DNAH5: variants seen among roughly 807,000 people sequenced by gnomAD.
The protein encoded by DNAH5 is dynein axonemal heavy chain 5, also known as axonemal beta dynein heavy chain 5.
A neutral mutation model predicts 518.2 loss-of-function variants in DNAH5; 372 were observed. The ratio of observed to expected loss-of-function variants is 0.72; its 90% CI spans 0.66 to 0.78. The LOEUF (loss-of-function observed/expected upper bound fraction) is 0.78, where lower values mean the gene tolerates loss of function less well. DNAH5 is among the 30% of genes least tolerant of loss of function. DNAH5 has a pLI of 0.00. For missense variants in DNAH5, 5,523 were observed against 5,687.0 expected (o/e 0.97, Z 0.93); for synonymous variants, 2,039 against 2,025.9 (o/e 1.01, Z -0.17).
intron 40 of DNAH5, among the ~76,000 whole-genome samples, chr5:13,822,549 C>G (rs776945556): frequency 6.6e-6 from 1 of 152,146 alleles, no homozygotes; most frequent in Non-Finnish European, 1.5e-5. Flanking sequence ...CCACACCTGG[C>G]CACATTTGAT....
chr5:13,916,799 A>G (rs1243311380), intron 8 of DNAH5, among the ~76,000 whole-genome samples: 1 of 152,056 alleles, frequency 6.6e-6, no homozygotes, highest in East Asian at 1.9e-4. Flanking sequence ...AAAAAAAAAC[A>G]TCACTAGCTA....
At chr5:14,001,609 C>G (rs924852332) in intron 1 of DNAH5, among the ~76,000 whole-genome samples, 7 of 151,720 alleles carry the variant, frequency 4.6e-5, no homozygotes, top group Non-Finnish European at 1.0e-4. Flanking sequence ...ATGATCTGCC[C>G]GCCTCAGCCT....
chr5:13,766,613 G>A (rs75980042), intron 58 of DNAH5, among the ~76,000 whole-genome samples: 2,562 of 152,262 alleles, frequency 0.017, 75 homozygotes, highest in African/African-American at 0.059. Context: ...ATTCAGGCTC[G>A]TCACTGTGGA....
At chr5:13,872,161 A>G (rs1770215944) in intron 22 of DNAH5, among the ~76,000 whole-genome samples, 2 of 152,054 alleles carry the variant, frequency 1.3e-5, no homozygotes, top group East Asian at 3.9e-4. Context: ...CTCCCCTCAG[A>G]TCTCCTCCAA....
chr5:13,768,931 C>A (rs377067284), intron 58 of DNAH5, 29 bp downstream of exon 58: 2 of 1,613,546 alleles, frequency 1.2e-6, no homozygotes, highest in Non-Finnish European at 1.7e-6. Flanking sequence ...AGCCCTAAAG[C>A]TGACATCTGT....
chr5:13,906,962 A>C (rs185597601), intron 12 of DNAH5, among the ~76,000 whole-genome samples: 1 of 152,340 alleles, frequency 6.6e-6, no homozygotes, highest in Non-Finnish European at 1.5e-5. Flanking sequence ...AAGAAGAAAA[A>C]AATGTTTTAA....
At chr5:13,754,086 G>C in intron 62 of DNAH5, 117 bp downstream of exon 62, 1 of 1,224,708 alleles carries the variant, frequency 8.2e-7, no homozygotes, top group South Asian at 1.2e-5. Context: ...GTGCGGGTTT[G>C]TTACATATGT....
At position 13,867,802 on chromosome 5, in the gene DNAH5, C is replaced by A; in HGVS notation, c.4025G>T (p.Cys1342Phe). The A allele has an allele frequency of 6.2e-7, 1 of 1,613,936 alleles. No homozygotes were observed. The highest frequency in any genetic ancestry group is 8.5e-7 in the Non-Finnish European group (1 of 1,179,910). ...ATCATAGTCCAGATAAAACTGGTGA[C>A]AATCTTGGAGGAATACCTCCACAGC... ...ISAVEVFLQDCHQFYLDYDLN... is the reference protein window; with the variant it reads ...ISAVEVFLQDFHQFYLDYDLN... The change falls in exon 25 of 79, where the codon TGT becomes TTT. Residue 1342 changes from cysteine to phenylalanine, a missense_variant. This residue lies in a region of DNAH5 where 5,121 missense variants were observed against 5,223.3 expected (regional missense o/e 0.98). Coordinates refer to ENST00000265104, the MANE Select transcript of DNAH5 (RefSeq NM_001369.3).
At chr5:13,721,914 T>C (rs977587284) in intron 70 of DNAH5, among the ~76,000 whole-genome samples, 1 of 152,248 alleles carries the variant, frequency 6.6e-6, no homozygotes, top group African/African-American at 2.4e-5. Flanking sequence ...AAAAGAGTTA[T>C]AATTTATTTT....
At chr5:13,906,784 C>T (rs1298952103) in intron 12 of DNAH5, among the ~76,000 whole-genome samples, 1 of 152,086 alleles carries the variant, frequency 6.6e-6, no homozygotes, top group African/African-American at 2.4e-5. Context: ...TCAACAACAA[C>T]ATATGTACTA....
chr5:13,736,166 T>C (rs906001781), intron 66 of DNAH5, among the ~76,000 whole-genome samples: 1 of 152,212 alleles, frequency 6.6e-6, no homozygotes, highest in African/African-American at 2.4e-5. Context: ...TTTTAGAATC[T>C]CTAGACCCCT....
chr5:13,963,446 C>G (rs1223604392), intron 1 of DNAH5, among the ~76,000 whole-genome samples: 1 of 151,914 alleles, frequency 6.6e-6, no homozygotes, highest in African/African-American at 2.4e-5. Context: ...GGTGTGGTGG[C>G]GTGCACCTGT....
chr5:13,791,906 G>C (rs1580264893), intron 50 of DNAH5, 88 bp downstream of exon 50: 1 of 1,178,056 alleles, frequency 8.5e-7, no homozygotes, highest in East Asian at 2.6e-5. Context: ...TATGTTCACA[G>C]TTCAAGTAAA....
chr5:13,928,092 A>C lies in DNAH5; in HGVS notation c.277+2T>G, dbSNP rs1267933864. 6.2e-7 allele frequency: 1 copy of C among 1,611,212 alleles called. No homozygotes were observed. Among genetic ancestry groups the C allele is most frequent in the Admixed American group, 1.7e-5 (1 of 60,008 alleles). On this transcript the variant is annotated splice_donor_variant, in intron 3 of 78. Coordinates refer to ENST00000265104, the MANE Select transcript of DNAH5 (RefSeq NM_001369.3). LOFTEE classifies it high-confidence loss of function. The stretch of plus-strand genomic sequence containing the variant: ...GGGTTATGTCACATCAAATTCAGAT[A>C]CCTGTTTCTGCTTCCTCCACATCTT...
chr5:13,982,951 T>C (rs1352863405), intron 1 of DNAH5, among the ~76,000 whole-genome samples: 1 of 152,226 alleles, frequency 6.6e-6, no homozygotes, highest in Admixed American at 6.5e-5. Flanking sequence ...CTTGGTCTCC[T>C]GATTTCCCAA....
chr5:13,776,406 G>T (rs1754094516), intron 55 of DNAH5, 33 bp downstream of exon 55: 1 of 1,612,586 alleles, frequency 6.2e-7, no homozygotes, highest in African/African-American at 1.3e-5. Flanking sequence ...TTGAACACAT[G>T]TTATGCCCTG....
rs530036824 is a variant in DNAH5 at position 13,766,478 on chromosome 5, A to T, written c.9898-299T>A. Among the ~76,000 whole-genome samples, 31 of 152,372 alleles carry T rather than the reference A, an allele frequency of 2.0e-4. No homozygotes were observed. In the South Asian group the frequency reaches 5.6e-3, roughly 27 times the overall value. On this transcript the variant is annotated intron_variant, in intron 58 of 78. Coordinates refer to ENST00000265104, the MANE Select transcript of DNAH5 (RefSeq NM_001369.3). ...CCAGAAAAAAGAAAGGCATAATCTG[A>T]AAGAAAAAGAATAGTCAGCACATAA...
rs795525 is a variant in DNAH5, at chr5:13,850,938, T to C, written c.4951-123A>G. 0.053 allele frequency: 49,168 copies of C among 927,178 alleles called. 1,557 individuals are homozygous for C. Among genetic ancestry groups the C allele is most frequent in the Admixed American group, 0.086 (5,042 of 58,302 alleles). The allele number at this position is 927,178 out of a possible 1,614,324, so 57.4% of individuals were successfully genotyped here. Reference sequence around the variant, plus strand: ...CCAGTCCAGATATCCAAGCAATATATGCCTAATGTCACACACATTTTATTG... The same window carrying C: ...CCAGTCCAGATATCCAAGCAATATACGCCTAATGTCACACACATTTTATTG... On this transcript the variant is annotated intron_variant, in intron 30 of 78. Coordinates refer to ENST00000265104, the MANE Select transcript of DNAH5 (RefSeq NM_001369.3).
chr5:13,769,762 G>A (rs1174884247), intron 56 of DNAH5, 147 bp from the exon 57 acceptor site: 2 of 717,190 alleles, frequency 2.8e-6, no homozygotes, highest in African/African-American at 3.5e-5. Flanking sequence ...TAGCAAAAAG[G>A]ATACAGATCC....
Sources: allele counts gnomAD v4.1 joint callset (sites outside exome capture counted in the v4.1 genomes callset), GRCh38; gene constraint gnomAD v4.1.1; regional missense constraint gnomAD v4.1.1; transcripts MANE v1.5; gene names NCBI Gene and HGNC (gene_info 2026-07-23, HGNC 2026-07-21).